The following SEZ6L variants were observed in gnomAD, a reference collection of about 807,000 sequenced individuals.
SEZ6L encodes seizure related 6 homolog like, also known as seizure 6-like protein.
SEZ6L carries 37 observed loss-of-function variants against 106.2 expected under a neutral mutation model. The ratio of observed to expected loss-of-function variants is 0.35; its 90% CI spans 0.27 to 0.46. The LOEUF (loss-of-function observed/expected upper bound fraction) is 0.46, where lower values mean the gene tolerates loss of function less well. Ranked by LOEUF, SEZ6L falls within the 20% of genes least tolerant of loss-of-function variation. The pLI, the probability that SEZ6L is intolerant of heterozygous loss-of-function variation, is 1.00. For synonymous variants in SEZ6L, 541 were observed against 570.4 expected (o/e 0.95, Z 0.73); for missense variants, 1,172 against 1,332.8 (o/e 0.88, Z 1.88).
At chr22:26,211,900 A>G in intron 1 of SEZ6L, among the ~76,000 whole-genome samples, 1 of 151,976 alleles carries the variant, frequency 6.6e-6, no homozygotes. Context: ...TGGTAAGCAA[A>G]GGTAGACAAA....
chr22:26,375,614 A>T lies in SEZ6L; in HGVS notation c.2867A>T (p.Asn956Ile), dbSNP rs148666049. Residue 956 changes from asparagine (N) to isoleucine (I), a missense_variant, in exon 15 of 17, where the codon AAC (asparagine) becomes ATC (isoleucine). Coordinates refer to ENST00000248933, the MANE Select transcript of SEZ6L (RefSeq NM_021115.5). ...GCAGAGACGTCGCTGGAAGGGGGGA[A>T]CATGGCCCTGGCTATCTTCATCCCG... ...AAAETSLEGG[N>I]MALAIFIPVL... 1.9e-6 allele frequency: 3 copies of T among 1,614,146 alleles called. No individual in the cohort carries two copies. The highest frequency in any genetic ancestry group is 1.7e-6 in the Non-Finnish European group (2 of 1,180,004).
chr22:26,246,713 G>A (rs717191), intron 1 of SEZ6L, among the ~76,000 whole-genome samples: 28,838 of 152,132 alleles, frequency 0.19, 2,990 homozygotes, highest in African/African-American at 0.26. Context: ...AATATTTGTT[G>A]AGTACGTAGC....
Position 26,287,942 on chromosome 22 carries a change from C to A in SEZ6L, c.95-4464C>A, listed in dbSNP as rs113274004. On this transcript the variant is annotated intron_variant, in intron 1 of 16. Coordinates refer to ENST00000248933, the MANE Select transcript of SEZ6L (RefSeq NM_021115.5). ...TGGTCAGGTTTTCAGTGGGAAAGGG[C>A]TGACTCTGAACCCAGCTGGGTTTCC... Among the ~76,000 whole-genome samples, 586 of 152,338 alleles carry A rather than the reference C, an allele frequency of 3.8e-3. 5 individuals are homozygous for A. Among genetic ancestry groups the A allele is most frequent in the African/African-American group, 0.013 (523 of 41,572 alleles).
intron 5 of SEZ6L, 33 bp downstream of exon 5, chr22:26,299,202 T>C (rs1369283622): frequency 7.4e-7 from 1 of 1,353,610 alleles, no homozygotes. Context: ...CCAAACCTGA[T>C]GGTCCAACTA....
intron 1 of SEZ6L, among the ~76,000 whole-genome samples, chr22:26,171,624 GT>G (rs762235287): frequency 6.6e-6 from 1 of 152,204 alleles, no homozygotes; most frequent in South Asian, 2.1e-4. Context: ...ACATGTGTGT[GT>G]TTTAATTTTT....
intron 1 of SEZ6L, among the ~76,000 whole-genome samples, chr22:26,267,492 GC>G (rs1480948393): frequency 3.9e-5 from 6 of 152,166 alleles, no homozygotes; most frequent in African/African-American, 1.4e-4. Context: ...CTGGAATTCT[GC>G]AAAACACTAT....
chr22:26,228,924 G>T (rs1436375650), intron 1 of SEZ6L, among the ~76,000 whole-genome samples: 1 of 152,204 alleles, frequency 6.6e-6, no homozygotes, highest in African/African-American at 2.4e-5. Context: ...GGATGCTCTT[G>T]AGGGATTACC....
chr22:26,171,395 T>C (rs1344538109), intron 1 of SEZ6L, among the ~76,000 whole-genome samples: 1 of 151,842 alleles, frequency 6.6e-6, no homozygotes, highest in African/African-American at 2.4e-5. Flanking sequence ...TTTGAATCTG[T>C]GTTGTGACTA....
At chr22:26,261,514 T>G (rs2080005891) in intron 1 of SEZ6L, among the ~76,000 whole-genome samples, 1 of 152,210 alleles carries the variant, frequency 6.6e-6, no homozygotes, top group Non-Finnish European at 1.5e-5. Flanking sequence ...TATGTCTTTG[T>G]TTGCTTCAAC....
intron 1 of SEZ6L, among the ~76,000 whole-genome samples, chr22:26,272,008 A>G (rs2145840461): frequency 6.6e-6 from 1 of 152,360 alleles, no homozygotes; most frequent in East Asian, 1.9e-4. Context: ...CAAGGAATGA[A>G]CTACCACTGC....
chr22:26,271,550 G>A lies in SEZ6L; in HGVS notation c.95-20856G>A, dbSNP rs184936604. Among the ~76,000 whole-genome samples the A allele has an allele frequency of 2.6e-5, 4 of 152,318 alleles. No individual in the cohort carries two copies. In the South Asian group the frequency reaches 6.2e-4, roughly 24 times the overall value. The stretch of plus-strand genomic sequence containing the variant: ...CCCTCATGATCATAAATGGCTTGGC[G>A]TCTTTCCCTTGGTGATGAATGAGTT... On this transcript the variant is annotated intron_variant, in intron 1 of 16. Transcript: ENST00000248933.
chr22:26,349,511 A>G (rs527652421), intron 11 of SEZ6L, among the ~76,000 whole-genome samples: 5 of 152,338 alleles, frequency 3.3e-5, no homozygotes, highest in African/African-American at 1.2e-4. Flanking sequence ...CACATCATAC[A>G]TACATTACAT....
At chr22:26,332,402 G>A (rs543964260) in intron 9 of SEZ6L, among the ~76,000 whole-genome samples, 3 of 151,748 alleles carry the variant, frequency 2.0e-5, no homozygotes, top group South Asian at 2.1e-4. Context: ...CACTCACCTC[G>A]GCCTCCCAAA....
intron 1 of SEZ6L, among the ~76,000 whole-genome samples, chr22:26,266,707 A>G (rs1208649347): frequency 6.6e-6 from 1 of 152,106 alleles, no homozygotes; most frequent in Non-Finnish European, 1.5e-5. Context: ...TATCTTTGCC[A>G]TGCTTTATTC....
intron 9 of SEZ6L, among the ~76,000 whole-genome samples, chr22:26,316,716 C>G (rs2082006617): frequency 1.3e-5 from 2 of 151,910 alleles, no homozygotes; most frequent in South Asian, 4.2e-4. Flanking sequence ...CCTGTAATCT[C>G]AGCTATTTGG....
intron 9 of SEZ6L, among the ~76,000 whole-genome samples, chr22:26,319,546 G>A (rs2082096988): frequency 6.6e-6 from 1 of 152,032 alleles, no homozygotes; most frequent in South Asian, 2.1e-4. Context: ...CATTCCACAC[G>A]CATACCTCAG....
At chr22:26,269,525 TG>T in intron 1 of SEZ6L, among the ~76,000 whole-genome samples, 1 of 152,326 alleles carries the variant, frequency 6.6e-6, no homozygotes, top group South Asian at 2.1e-4. Flanking sequence ...GCATTTTCTG[TG>T]TCCCTCTGGA....
chr22:26,180,974 T>C (rs1939348962), intron 1 of SEZ6L, among the ~76,000 whole-genome samples: 1 of 152,216 alleles, frequency 6.6e-6, no homozygotes, highest in Non-Finnish European at 1.5e-5. Flanking sequence ...GGACTGACTG[T>C]GGATCCCCAC....
chr22:26,306,042 A>C lies in SEZ6L; in HGVS notation c.1412A>C (p.Glu471Ala). Reference protein sequence around the residue: ...IGRVLSPSYPENTNGSQFCIW... With the variant: ...IGRVLSPSYPANTNGSQFCIW... Reference sequence around the variant, plus strand: ...CGCGTCCTCTCCCCAAGTTACCCTGAAAACACAAATGGGAGCCAATTCTGC... The same window carrying C: ...CGCGTCCTCTCCCCAAGTTACCCTGCAAACACAAATGGGAGCCAATTCTGC... Residue 471 changes from glutamate (E) to alanine (A), a missense_variant, in exon 6 of 17, where the codon GAA becomes GCA. By Grantham distance (107) the Glu-to-Ala change is moderately radical. This residue lies in a region of SEZ6L where 534 missense variants were observed against 691.0 expected (regional missense o/e 0.77). Transcript: ENST00000248933. 1 of 1,614,110 alleles carries C rather than the reference A, an allele frequency of 6.2e-7. No homozygotes were observed. The highest frequency in any genetic ancestry group is 8.5e-7 in the Non-Finnish European group (1 of 1,180,012).
Sources: gnomAD v4.1 joint callset for allele counts (sites outside exome capture counted in the v4.1 genomes callset) on GRCh38, gnomAD v4.1.1 for gene constraint, gnomAD v4.1.1 regional missense constraint, MANE v1.5 for transcripts, NCBI Gene and HGNC (gene_info 2026-07-23, HGNC 2026-07-21) for gene names.